The following ZNF135 variants were observed in gnomAD, a reference collection of about 807,000 sequenced individuals.
ZNF135 encodes zinc finger protein 135 (clone pHZ-17).
Under a neutral mutation model 12.3 loss-of-function variants are expected in ZNF135, and 11 were observed. The observed-to-expected ratio is 0.89, with a 90% CI of 0.56 to 1.48. The LOEUF is 1.48. Among genes scored for constraint, ZNF135 ranks in the 40% most tolerant of loss-of-function variants. The pLI, the probability that ZNF135 is intolerant of heterozygous loss-of-function variation, is 0.00. For missense variants in ZNF135, 722 were observed against 815.7 expected (o/e 0.89, Z 1.40); for synonymous variants, 316 against 312.0 (o/e 1.01, Z -0.14).
At position 58,068,185 on chromosome 19, in the gene ZNF135, A is replaced by T. The variant is rs536614357; in HGVS notation, c.1701A>T (p.Glu567Asp). The part of the protein sequence containing the change: ...RAFSQSSLLI[E>D]HQRIHTKEKP... The stretch of plus-strand genomic sequence containing the variant: ...TCAGCCAGAGCTCCCTTCTCATCGA[A>T]CACCAGAGGATTCACACCAAGGAAA... The change falls in exon 5 of 5, where the codon GAA becomes GAT. Residue 567 changes from glutamate (E) to aspartate (D), a missense_variant. Glu to Asp is a conservative substitution (Grantham distance 45, BLOSUM62 2). Coordinates refer to ENST00000313434, the MANE Select transcript of ZNF135 (RefSeq NM_001289401.2). 4.3e-6 allele frequency: 7 copies of T among 1,612,534 alleles called. No homozygotes were observed. In the East Asian group the frequency reaches 1.3e-4, roughly 31 times the overall value.
In ZNF135 at chr19:58,060,654, T is replaced by C. The variant is rs2073961496; in HGVS notation, c.33+619T>C. 6.6e-6 allele frequency among the ~76,000 whole-genome samples: 1 copy of C among 152,090 alleles called. No individual in the cohort carries two copies. The highest frequency in any genetic ancestry group is 1.5e-5 in the Non-Finnish European group (1 of 68,016). On this transcript the variant is annotated intron_variant, in intron 2 of 4. Coordinates refer to ENST00000313434, the MANE Select transcript of ZNF135 (RefSeq NM_001289401.2). This position sits in a 1 kb window ranked among gnomAD's most constrained non-coding sequence, Gnocchi z 4.9. ...CATAAGCCACCAGAAGAAACCAGCC[T>C]CCTGTAGGAATGTCAGAAAACCCGT...
At chr19:58,064,529 A>C (rs1180869620) in intron 4 of ZNF135, among the ~76,000 whole-genome samples, 2 of 152,094 alleles carry the variant, frequency 1.3e-5, no homozygotes, top group Non-Finnish European at 2.9e-5. Flanking sequence ...TGATTTTTTT[A>C]AATAGCTTTT....
In ZNF135 at chr19:58,065,914, G is replaced by C. The variant is rs1319388251; in HGVS notation, c.257-827G>C. On this transcript the variant is annotated intron_variant, in intron 4 of 4. Transcript: ENST00000313434. This position sits in a 1 kb window ranked among gnomAD's most constrained non-coding sequence, Gnocchi z 4.0. ...AGGCCACTGTGGGGTCAGGGTAGGGGCAGCACACACCCAGGTCATGGCTGT... is the reference window on the plus strand; with the variant it reads ...AGGCCACTGTGGGGTCAGGGTAGGGCCAGCACACACCCAGGTCATGGCTGT... 1.3e-5 allele frequency among the ~76,000 whole-genome samples: 2 copies of C among 152,030 alleles called. No homozygotes were observed. The highest frequency in any genetic ancestry group is 2.9e-5 in the Non-Finnish European group (2 of 68,030).
intron 4 of ZNF135, 63 bp from the exon 5 acceptor site, chr19:58,066,678 A>G: frequency 6.3e-7 from 1 of 1,582,488 alleles, no homozygotes; most frequent in Non-Finnish European, 8.6e-7. Flanking sequence ...TTCCCATCTC[A>G]CCACAAACTC....
chr19:58,063,408 G>T lies in ZNF135; in HGVS notation c.161-38G>T, dbSNP rs1378752915. 1 of 1,612,822 alleles carries T rather than the reference G, an allele frequency of 6.2e-7. No individual in the cohort carries two copies. On this transcript the variant is annotated intron_variant, in intron 3 of 4. Coordinates refer to ENST00000313434, the MANE Select transcript of ZNF135 (RefSeq NM_001289401.2). This position sits in a 1 kb window ranked among gnomAD's most constrained non-coding sequence, Gnocchi z 4.4. ...GGCTGAGGCTCAGGAAGGGTCCTGG[G>T]ATACAAATGCTCACTCTATGGGTCT...
In ZNF135 at chr19:58,060,212, A is replaced by G. The variant is rs1293521040; in HGVS notation, c.33+177A>G. ...CTACTCGTGCCCGGCCTCTACTCGCACAACTGGCCTCTACTCGCGCACCTG... is the reference window on the plus strand; with the variant it reads ...CTACTCGTGCCCGGCCTCTACTCGCGCAACTGGCCTCTACTCGCGCACCTG... On this transcript the variant is annotated intron_variant, in intron 2 of 4. Transcript: ENST00000313434. This position sits in a 1 kb window ranked among gnomAD's most constrained non-coding sequence, Gnocchi z 4.9. The G allele has an allele frequency of 1.8e-5, 26 of 1,449,532 alleles. No homozygotes were observed. The highest frequency in any genetic ancestry group is 2.3e-5 in the Non-Finnish European group (25 of 1,091,748). 89.8% of individuals were successfully genotyped at this position (1,449,532 alleles called of 1,614,324 possible).
At chr19:58,061,485 T>C (rs2073978403) in intron 2 of ZNF135, 95 bp from the exon 3 acceptor site, 1 of 1,485,736 alleles carries the variant, frequency 6.7e-7, no homozygotes, top group Admixed American at 2.4e-5. Flanking sequence ...CAAAGGGAAC[T>C]CCATCCGACC....
intron 4 of ZNF135, among the ~76,000 whole-genome samples, chr19:58,064,141 T>C (rs545930801): frequency 6.6e-6 from 1 of 152,202 alleles, no homozygotes; most frequent in East Asian, 1.9e-4. Context: ...GTAGCAGAGG[T>C]ATCCCAGCCC....
At position 58,060,062 on chromosome 19, in the gene ZNF135, G is replaced by A. The variant is rs2073943254; in HGVS notation, c.33+27G>A. On this transcript the variant is annotated intron_variant, in intron 2 of 4. Transcript: ENST00000313434. This position sits in a 1 kb window ranked among gnomAD's most constrained non-coding sequence, Gnocchi z 4.9. ...TGAGAATCTCGGCCTCCTTGCGCGTGTCCTCCACCTCGTGCCCGGCCTCCT... is the reference window on the plus strand; with the variant it reads ...TGAGAATCTCGGCCTCCTTGCGCGTATCCTCCACCTCGTGCCCGGCCTCCT... The A allele has an allele frequency of 6.2e-7, 1 of 1,612,666 alleles. No homozygotes were observed. Among genetic ancestry groups the A allele is most frequent in the East Asian group, 2.2e-5 (1 of 44,868 alleles).
rs547771528 is a variant in ZNF135 at position 58,064,715 on chromosome 19, A to C, written c.256+1174A>C. ...GCCAACATGGTGAAACCCCGTCTCT[A>C]CAAAAAAAAAATACAAAAAAAAAAA... On this transcript the variant is annotated intron_variant, in intron 4 of 4. Transcript: ENST00000313434. 3.2e-5 allele frequency among the ~76,000 whole-genome samples: 3 copies of C among 94,676 alleles called. No individual in the cohort carries two copies. In the South Asian group the frequency reaches 1.2e-3, roughly 37 times the overall value. The allele number at this position is 94,676 out of a possible 152,430, so 62.1% of individuals were successfully genotyped here.
In ZNF135 at chr19:58,063,541, G is replaced by A. The variant is rs372228366; in HGVS notation, c.256G>A (p.Asp86Asn). ...TAGACTTCCCCAAGGCGTGTACCCA[G>A]GTGAGATGGGAGCCCTTCGGGGCAG... is the stretch of plus-strand genomic sequence containing the variant. Reference protein sequence around the residue: ...ESRLPQGVYPDLETRPKVKLS... With the variant: ...ESRLPQGVYPNLETRPKVKLS... The change falls in exon 4 of 5, where the codon GAC becomes AAC. Residue 86 changes from aspartate to asparagine, a missense_variant and splice_region_variant. Asp to Asn is a conservative substitution (Grantham distance 23). Transcript: ENST00000313434. This position sits in a 1 kb window ranked among gnomAD's most constrained non-coding sequence, Gnocchi z 4.4. 4.5e-5 allele frequency: 72 copies of A among 1,614,142 alleles called. 1 individual carries two copies. Among genetic ancestry groups the A allele is most frequent in the Middle Eastern group, 1.7e-4 (1 of 6,058 alleles).
Position 58,068,698 on chromosome 19 carries a change from A to C in ZNF135, c.*237A>C. The C allele has an allele frequency of 1.9e-6, 1 of 513,382 alleles. No individual in the cohort carries two copies. The highest frequency in any genetic ancestry group is 3.4e-6 in the Non-Finnish European group (1 of 290,812). 31.8% of individuals were successfully genotyped at this position (513,382 alleles called of 1,614,324 possible). On this transcript the variant is annotated 3_prime_UTR_variant, in exon 5 of 5. Coordinates refer to ENST00000313434, the MANE Select transcript of ZNF135 (RefSeq NM_001289401.2). Reference sequence around the variant, plus strand: ...GTAGGGAAACGTGGAGATAATCAACACTCAGGACCTTCAGCCTTGAACGCC... The same window carrying C: ...GTAGGGAAACGTGGAGATAATCAACCCTCAGGACCTTCAGCCTTGAACGCC...
In ZNF135 at chr19:58,059,577, A is replaced by G. The variant is rs1379287807; in HGVS notation, c.-35+267A>G. The stretch of plus-strand genomic sequence containing the variant: ...AGCTGCTCCGACGGCCCCTGAGGGA[A>G]CGCGCGCCCCGCCCCTGGCCCCACC... On this transcript the variant is annotated intron_variant, in intron 1 of 4. Transcript: ENST00000313434. The surrounding 1 kb of genome is among the most constrained non-coding windows in gnomAD (Gnocchi z 6.5). Among the ~76,000 whole-genome samples, 3 of 151,708 alleles carry G rather than the reference A, an allele frequency of 2.0e-5. No homozygotes were observed. Among genetic ancestry groups the G allele is most frequent in the African/African-American group, 7.3e-5 (3 of 41,292 alleles).
chr19:58,068,788 G>A lies in ZNF135; in HGVS notation c.*327G>A, dbSNP rs150118371. On this transcript the variant is annotated 3_prime_UTR_variant, in exon 5 of 5. Coordinates refer to ENST00000313434, the MANE Select transcript of ZNF135 (RefSeq NM_001289401.2). ...AACAAATGTAGTGGATCCAGGGAAC[G>A]CTTTTGTCCAAGGATTCACCGTATT... 621 of 229,906 alleles carry A rather than the reference G, an allele frequency of 2.7e-3. 3 individuals carry two copies. Among genetic ancestry groups the A allele is most frequent in the African/African-American group, 0.013 (583 of 44,562 alleles). The allele number at this position is 229,906 out of a possible 1,614,324, so 14.2% of individuals were successfully genotyped here.
chr19:58,061,817 A>G (rs2073987469), intron 3 of ZNF135, 111 bp downstream of exon 3: 7 of 1,387,862 alleles, frequency 5.0e-6, no homozygotes, highest in South Asian at 1.6e-5. Flanking sequence ...CTGGGGCTGT[A>G]TGTCTTGGGC....
chr19:58,060,260 TACTC>T lies in ZNF135; in HGVS notation c.33+226_33+229del. On this transcript the variant is annotated intron_variant, in intron 2 of 4. Coordinates refer to ENST00000313434, the MANE Select transcript of ZNF135 (RefSeq NM_001289401.2). The surrounding 1 kb of genome is among the most constrained non-coding windows in gnomAD (Gnocchi z 4.9). ...CTGGCCTCTACTGGTGCCCGGCCTC[TACTC>T]GTGCCCGGCCTCTATTTGCACATCT... The T allele has an allele frequency of 3.1e-6, 1 of 325,364 alleles. No individual in the cohort carries two copies. The highest frequency in any genetic ancestry group is 4.4e-6 in the Non-Finnish European group (1 of 224,914). 20.2% of individuals were successfully genotyped at this position (325,364 alleles called of 1,614,324 possible).
chr19:58,060,399 G>A lies in ZNF135; in HGVS notation c.33+364G>A. On this transcript the variant is annotated intron_variant, in intron 2 of 4. Transcript: ENST00000313434. The surrounding 1 kb of genome is among the most constrained non-coding windows in gnomAD (Gnocchi z 4.9). ...AAGGACCGCCCACGCCGCGCTGGAG[G>A]TCAGCGGGCACGGGTCCCTGTCTGA... 1 of 1,212,424 alleles carries A rather than the reference G, an allele frequency of 8.2e-7. No homozygotes were observed. The highest frequency in any genetic ancestry group is 1.0e-6 in the Non-Finnish European group (1 of 964,980). The allele number at this position is 1,212,424 out of a possible 1,614,324, so 75.1% of individuals were successfully genotyped here.
Position 58,068,172 on chromosome 19 carries a change from C to T in ZNF135, c.1688C>T (p.Ser563Phe). The T allele has an allele frequency of 3.1e-6, 5 of 1,613,990 alleles. No individual in the cohort carries two copies. Among genetic ancestry groups the T allele is most frequent in the Non-Finnish European group, 4.2e-6 (5 of 1,180,018 alleles). The change falls in exon 5 of 5, where the codon TCC becomes TTC. Residue 563 changes from serine (S) to phenylalanine (F), a missense_variant. Transcript: ENST00000313434. ...TGTGGCAGAGCCTTCAGCCAGAGCT[C>T]CCTTCTCATCGAACACCAGAGGATT... ...NQCGRAFSQS[S>F]LLIEHQRIHT...
At chr19:58,059,244 G>A (rs1176385861), upstream of ZNF135, 4 of 1,587,006 alleles carry the variant, frequency 2.5e-6, no homozygotes, top group Non-Finnish European at 3.4e-6. This position sits in a 1 kb window ranked among gnomAD's most constrained non-coding sequence, Gnocchi z 6.5. Flanking sequence ...TCTGGGAAAT[G>A]GAGTTAGGCT....
Sources: gnomAD v4.1 joint callset for allele counts (sites outside exome capture counted in the v4.1 genomes callset) on GRCh38, gnomAD v4.1.1 for gene constraint, Gnocchi (gnomAD v3.1) non-coding constraint, MANE v1.5 for transcripts, NCBI Gene and HGNC (gene_info 2026-07-23, HGNC 2026-07-21) for gene names.